LHPP: variants seen among roughly 807,000 people sequenced by gnomAD.
LHPP encodes phospholysine phosphohistidine inorganic pyrophosphate phosphatase, also known as hLHPP.
In LHPP, 24 loss-of-function variants were observed where a neutral mutation model predicts 30.3. That is an observed-to-expected ratio of 0.79 (90% CI 0.57 to 1.11). LHPP has a LOEUF of 1.11. Ranked by LOEUF, LHPP falls within the 50% of genes most tolerant of loss-of-function variation. The pLI is 0.00. For missense variants in LHPP, 356 were observed against 367.2 expected, an observed-to-expected ratio of 0.97 and a Z score of 0.25; for synonymous variants, 150 against 157.1, an observed-to-expected ratio of 0.95 and a Z score of 0.34.
chr10:124,528,952 AC>A (rs1458770498), intron 6 of LHPP, among the ~76,000 whole-genome samples: 1 of 151,606 alleles, frequency 6.6e-6, no homozygotes, highest in Non-Finnish European at 1.5e-5. Context: ...CCACCACATA[AC>A]ACTTTTGTAA....
intron 6 of LHPP, among the ~76,000 whole-genome samples, chr10:124,581,318 G>A (rs1053992750): frequency 6.6e-5 from 10 of 152,176 alleles, no homozygotes; most frequent in Admixed American, 5.9e-4. Context: ...GTATATTTGG[G>A]TTGTTTCTGC....
chr10:124,511,852 T>C (rs9663728), intron 5 of LHPP, among the ~76,000 whole-genome samples: 18,730 of 152,056 alleles, frequency 0.12, 1,456 homozygotes, highest in South Asian at 0.31. Flanking sequence ...TGGCGTGCCC[T>C]GGTGAGTGGT....
intron 6 of LHPP, among the ~76,000 whole-genome samples, chr10:124,531,243 G>A (rs1954896087): frequency 6.6e-6 from 1 of 152,318 alleles, no homozygotes; most frequent in South Asian, 2.1e-4. Context: ...CCCGTCTCAA[G>A]GTCATGTGCT....
At position 124,551,540 on chromosome 10, in the gene LHPP, G is replaced by A. The variant is rs979066339; in HGVS notation, c.716+34269G>A. 5.3e-5 allele frequency among the ~76,000 whole-genome samples: 8 copies of A among 152,284 alleles called. No individual in the cohort carries two copies. In the East Asian group the frequency reaches 1.2e-3, roughly 22 times the overall value. On this transcript the variant is annotated intron_variant, in intron 6 of 6. Coordinates refer to ENST00000368842, the MANE Select transcript of LHPP (RefSeq NM_022126.4). ...GGACCCTCGGGGTGGAGGCTGGTGC[G>A]TGGGGAGGTAAGGGTCAGGTGGTGG...
intron 6 of LHPP, among the ~76,000 whole-genome samples, chr10:124,603,962 G>A (rs1949061373): frequency 1.3e-5 from 2 of 152,370 alleles, no homozygotes; most frequent in South Asian, 2.1e-4. Flanking sequence ...TGGAGTGCTG[G>A]GCTCAGGTGC....
chr10:124,547,400 A>G (rs1210613813), intron 6 of LHPP, among the ~76,000 whole-genome samples: 1 of 152,220 alleles, frequency 6.6e-6, no homozygotes, highest in African/African-American at 2.4e-5. Flanking sequence ...TGAGTCTATT[A>G]GTGTCAGGCT....
At chr10:124,506,529 G>C (rs1459672794) in intron 5 of LHPP, among the ~76,000 whole-genome samples, 1 of 151,378 alleles carries the variant, frequency 6.6e-6, no homozygotes. Flanking sequence ...AGATTACTTT[G>C]CCAATGAGGA....
At chr10:124,582,571 C>A (rs527850950) in intron 6 of LHPP, among the ~76,000 whole-genome samples, 1 of 152,172 alleles carries the variant, frequency 6.6e-6, no homozygotes, top group Non-Finnish European at 1.5e-5. Context: ...CCTTTGACTT[C>A]CCCAAAATTT....
chr10:124,551,465 G>C (rs368107863), intron 6 of LHPP, among the ~76,000 whole-genome samples: 6 of 152,094 alleles, frequency 3.9e-5, no homozygotes, highest in Non-Finnish European at 8.8e-5. Context: ...GGGTGGGGGC[G>C]GGGGGGCAGA....
At chr10:124,491,577 C>G (rs1266149889) in intron 3 of LHPP, among the ~76,000 whole-genome samples, 1 of 152,164 alleles carries the variant, frequency 6.6e-6, no homozygotes, top group Non-Finnish European at 1.5e-5. Context: ...GACCCCAGAC[C>G]CTGTGCGTGT....
chr10:124,508,591 T>C (rs1263935060), intron 5 of LHPP, among the ~76,000 whole-genome samples: 3 of 92,022 alleles, frequency 3.3e-5, no homozygotes, highest in East Asian at 3.0e-4. Flanking sequence ...CCTTGGAGGC[T>C]TTTTTTTTTT....
In LHPP at chr10:124,511,598, TC is replaced by T. The variant is rs527321444; in HGVS notation, c.625-5581del. 2.7e-3 allele frequency among the ~76,000 whole-genome samples: 406 copies of T among 152,284 alleles called. 2 individuals carry two copies. Among genetic ancestry groups the T allele is most frequent in the African/African-American group, 9.5e-3 (396 of 41,562 alleles). On this transcript the variant is annotated intron_variant, in intron 5 of 6. Coordinates refer to ENST00000368842, the MANE Select transcript of LHPP (RefSeq NM_022126.4). ...CAGCACCACCATCCGCCGTGGCTTC[TC>T]TGAGGGAGGCCCCTCTGGCCTCTGC...
At chr10:124,463,264 A>G (rs889791029) in intron 1 of LHPP, among the ~76,000 whole-genome samples, 4 of 152,186 alleles carry the variant, frequency 2.6e-5, no homozygotes, top group Non-Finnish European at 4.4e-5. Context: ...AGAAAACTTT[A>G]AATTACCTTT....
At chr10:124,475,284 C>T (rs1354071470) in intron 1 of LHPP, among the ~76,000 whole-genome samples, 1 of 151,782 alleles carries the variant, frequency 6.6e-6, no homozygotes, top group Non-Finnish European at 1.5e-5. Flanking sequence ...ACCCACCCGC[C>T]TTGGCCTCCC....
chr10:124,525,650 C>A lies in LHPP; in HGVS notation c.716+8379C>A, dbSNP rs148645780. Among the ~76,000 whole-genome samples the A allele has an allele frequency of 3.9e-5, 6 of 152,298 alleles. No individual in the cohort carries two copies. In the East Asian group the frequency reaches 1.2e-3, roughly 29 times the overall value. ...GGCTCAGCAGGTGAACATGGGGTTT[C>A]CAGGGGCAGACACCCCATCGTGGCC... is the stretch of plus-strand genomic sequence containing the variant. On this transcript the variant is annotated intron_variant, in intron 6 of 6. Transcript: ENST00000368842.
chr10:124,483,585 A>G (rs1953209991), intron 1 of LHPP, among the ~76,000 whole-genome samples: 1 of 151,996 alleles, frequency 6.6e-6, no homozygotes, highest in Non-Finnish European at 1.5e-5. Flanking sequence ...GTGAAACCCC[A>G]TCTGTACTAA....
chr10:124,521,933 G>A (rs1954621701), intron 6 of LHPP, among the ~76,000 whole-genome samples: 1 of 152,214 alleles, frequency 6.6e-6, no homozygotes, highest in Admixed American at 6.5e-5. Flanking sequence ...CCGAGAGGTG[G>A]CTGAGGAGTG....
intron 6 of LHPP, among the ~76,000 whole-genome samples, chr10:124,539,471 A>T (rs868799497): frequency 8.6e-5 from 13 of 151,992 alleles, no homozygotes; most frequent in African/African-American, 2.9e-4. Context: ...CTACAAGTAC[A>T]AAAATTTGGC....
chr10:124,591,307 C>T (rs1449149196), intron 6 of LHPP, among the ~76,000 whole-genome samples: 1 of 152,140 alleles, frequency 6.6e-6, no homozygotes, highest in Non-Finnish European at 1.5e-5. Flanking sequence ...CTGGGGCAGT[C>T]AGGGGCTCTT....
Sources: gnomAD v4.1 joint callset for allele counts (sites outside exome capture counted in the v4.1 genomes callset) on GRCh38, gnomAD v4.1.1 for gene constraint, MANE v1.5 for transcripts, NCBI Gene and HGNC (gene_info 2026-07-23, HGNC 2026-07-21) for gene names.